The following MYO1H variants were observed in gnomAD, a reference collection of about 807,000 sequenced individuals.
MYO1H encodes unconventional myosin-Ih.
In MYO1H, 118 loss-of-function variants were observed where a neutral mutation model predicts 149.3. The ratio of observed to expected loss-of-function variants is 0.79; its 90% CI spans 0.68 to 0.92. The LOEUF (loss-of-function observed/expected upper bound fraction) is 0.92, where lower values mean the gene tolerates loss of function less well. Ranked by LOEUF, MYO1H falls within the 40% of genes least tolerant of loss-of-function variation. The probability of loss-of-function intolerance (pLI) is 0.00; values close to 1 mark genes in which losing one functional copy is unlikely to be tolerated. For synonymous variants in MYO1H, 447 were observed against 465.2 expected (o/e 0.96, Z 0.50); for missense variants, 1,212 against 1,280.7 (o/e 0.95, Z 0.82).
At chr12:109,375,873 G>A (rs1050807193) in intron 1 of MYO1H, among the ~76,000 whole-genome samples, 2 of 152,080 alleles carry the variant, frequency 1.3e-5, no homozygotes, top group Non-Finnish European at 2.9e-5. Flanking sequence ...CAACTACTTG[G>A]GAAGCTAAGG....
At chr12:109,439,479 C>T (rs1040779956) in intron 23 of MYO1H, 152 bp from the exon 24 acceptor site, 6 of 294,476 alleles carry the variant, frequency 2.0e-5, no homozygotes, top group Admixed American at 1.2e-4. Flanking sequence ...TGAAATCGAA[C>T]ATATATGTGG....
At chr12:109,441,312 G>C (rs75078023) in intron 25 of MYO1H, among the ~76,000 whole-genome samples, 39 of 152,346 alleles carry the variant, frequency 2.6e-4, no homozygotes, top group African/African-American at 8.7e-4. Flanking sequence ...AGCAGGCTGA[G>C]TTTGGCCTGC....
intron 21 of MYO1H, 100 bp downstream of exon 21, chr12:109,435,213 A>G: frequency 1.4e-6 from 1 of 728,570 alleles, no homozygotes; most frequent in Non-Finnish European, 2.2e-6. Flanking sequence ...TAGTGTTAGA[A>G]GCATTCGCTT....
chr12:109,407,143 T>C (rs1447205543), intron 9 of MYO1H, among the ~76,000 whole-genome samples: 1 of 152,106 alleles, frequency 6.6e-6, no homozygotes, highest in African/African-American at 2.4e-5. Flanking sequence ...CCCGGTGCTT[T>C]ATCTAGTTAA....
At chr12:109,397,061 C>G (rs1156557946) in intron 4 of MYO1H, among the ~76,000 whole-genome samples, 1 of 151,950 alleles carries the variant, frequency 6.6e-6, no homozygotes, top group Non-Finnish European at 1.5e-5. Flanking sequence ...CTCCTGACCT[C>G]AGGTGACCTT....
the MYO1H span, among the ~76,000 whole-genome samples, chr12:109,334,073 G>T: frequency 2.6e-5 from 4 of 152,048 alleles, no homozygotes; most frequent in African/African-American, 9.7e-5. Flanking sequence ...CCGGAGTACA[G>T]TGATGCAATC....
chr12:109,412,006 G>T lies in MYO1H; in HGVS notation c.1502+21G>T. 5 of 1,511,030 alleles carry T rather than the reference G, an allele frequency of 3.3e-6. No individual in the cohort carries two copies. The East Asian group carries it at 1.2e-4, about 36-fold the overall frequency. 93.6% of individuals were successfully genotyped at this position (1,511,030 alleles called of 1,614,324 possible). A position where few individuals can be genotyped will look rare whatever the true frequency, so the allele number is the denominator to read the frequency against. On this transcript the variant is annotated intron_variant, in intron 14 of 31. Transcript: ENST00000310903. ...GAAACGTACATACTTTATTTTACCA[G>T]ATTTTGCATGGGGGAAGATGATTGT...
At chr12:109,410,636 T>C in intron 12 of MYO1H, 52 bp from the exon 13 acceptor site, 1 of 1,304,704 alleles carries the variant, frequency 7.7e-7, no homozygotes, top group Non-Finnish European at 1.1e-6. Flanking sequence ...AAACCAACTT[T>C]GATGCTCATC....
chr12:109,433,968 G>A (rs1472191297), intron 20 of MYO1H, among the ~76,000 whole-genome samples: 1 of 152,178 alleles, frequency 6.6e-6, no homozygotes, highest in Non-Finnish European at 1.5e-5. Flanking sequence ...CAGGCAATGT[G>A]AGGTCAGTAT....
chr12:109,421,089 A>AT (rs1238498417), intron 16 of MYO1H, 62 bp downstream of exon 16: 43 of 1,181,038 alleles, frequency 3.6e-5, no homozygotes, highest in Non-Finnish European at 5.3e-5. Context: ...CATGATAGTG[A>AT]TTTTGGTAGA....
intron 1 of MYO1H, among the ~76,000 whole-genome samples, chr12:109,381,996 C>A (rs1401630072): frequency 2.0e-5 from 3 of 152,136 alleles, no homozygotes; most frequent in African/African-American, 7.2e-5. Context: ...GCAAACTGTA[C>A]CACAGGGCAA....
chr12:109,358,423 CCTG>C (rs375022237), intron 1 of MYO1H, among the ~76,000 whole-genome samples: 15 of 151,950 alleles, frequency 9.9e-5, no homozygotes, highest in African/African-American at 3.1e-4. Flanking sequence ...CTGCTATTTC[CCTG>C]CTATCTCCAC....
In MYO1H at chr12:109,380,108, T is replaced by C. The variant is rs954044623; in HGVS notation, c.13-8575T>C. Among the ~76,000 whole-genome samples the C allele has an allele frequency of 8.5e-5, 13 of 152,058 alleles. No homozygotes were observed. The East Asian group carries it at 2.3e-3, about 27-fold the overall frequency. On this transcript the variant is annotated intron_variant, in intron 1 of 31. Coordinates refer to ENST00000310903, the Ensembl canonical transcript of MYO1H. Reference sequence around the variant, plus strand: ...TACGGTCTCGCTTTGTTGCCCACGCTGGTTTCAAACTCCTGGCCTCGAGTG... The same window carrying C: ...TACGGTCTCGCTTTGTTGCCCACGCCGGTTTCAAACTCCTGGCCTCGAGTG...
chr12:109,318,609 C>T, the MYO1H span, among the ~76,000 whole-genome samples: 6 of 152,174 alleles, frequency 3.9e-5, no homozygotes, highest in African/African-American at 1.2e-4. Flanking sequence ...CCCCAGTCAA[C>T]TCATGAGGAA....
At chr12:109,434,797 G>A (rs1021027479) in intron 20 of MYO1H, among the ~76,000 whole-genome samples, 1 of 152,106 alleles carries the variant, frequency 6.6e-6, no homozygotes, top group African/African-American at 2.4e-5. Flanking sequence ...CCGTCCTCAC[G>A]TGGGCTCCTC....
chr12:109,367,539 G>GTATTTATT (rs547332101), intron 1 of MYO1H, among the ~76,000 whole-genome samples: 17 of 151,798 alleles, frequency 1.1e-4, no homozygotes, highest in African/African-American at 3.1e-4. Flanking sequence ...TATTATTCAT[G>GTATTTATT]TATTTATTTA....
chr12:109,342,201 G>A, the MYO1H span, among the ~76,000 whole-genome samples: 13 of 148,230 alleles, frequency 8.8e-5, no homozygotes, highest in East Asian at 2.4e-3. Flanking sequence ...CTGGAGTGCA[G>A]TGGCACTCTC....
intron 18 of MYO1H, among the ~76,000 whole-genome samples, chr12:109,427,258 G>A (rs1265523404): frequency 6.7e-6 from 1 of 149,694 alleles, no homozygotes; most frequent in Non-Finnish European, 1.5e-5. Context: ...AGAGGTTGCA[G>A]TGAGCCGAGA....
At chr12:109,316,857 G>GT in the MYO1H span, among the ~76,000 whole-genome samples, 8 of 152,294 alleles carry the variant, frequency 5.3e-5, no homozygotes, top group East Asian at 5.8e-4. Flanking sequence ...AGTCTGTTCT[G>GT]TGAGCTTTGA....
Sources: gnomAD v4.1 joint callset for allele counts (sites outside exome capture counted in the v4.1 genomes callset) on GRCh38, gnomAD v4.1.1 for gene constraint, MANE v1.5 for transcripts, NCBI Gene and HGNC (gene_info 2026-07-23, HGNC 2026-07-21) for gene names.